Variants in ADAMTS6 observed in about 807,000 individuals in gnomAD.
The protein encoded by ADAMTS6 is ADAM metallopeptidase with thrombospondin type 1 motif 6.
In ADAMTS6, 23 loss-of-function variants were observed where a neutral mutation model predicts 144.3. The ratio of observed to expected loss-of-function variants is 0.16; its 90% CI spans 0.11 to 0.23. ADAMTS6 has a LOEUF of 0.23. Among genes scored for constraint, ADAMTS6 ranks in the 10% least tolerant of loss-of-function variants. The probability of loss-of-function intolerance (pLI) is 1.00; values close to 1 mark genes in which losing one functional copy is unlikely to be tolerated. For synonymous variants in ADAMTS6, 444 were observed against 457.5 expected (o/e 0.97, Z 0.38); for missense variants, 999 against 1,379.6 (o/e 0.72, Z 4.37).
rs559107926 is a variant in ADAMTS6, at chr5:65,293,221, ATTTC to A, written c.1371-1755_1371-1752del. On this transcript the variant is annotated intron_variant, in intron 10 of 24. Transcript: ENST00000381055. ...AATTTTCTTCTAAAATATCTGTTTC[ATTTC>A]TACTGACAATAAAATTATAAATATC... is the stretch of plus-strand genomic sequence containing the variant. Among the ~76,000 whole-genome samples the A allele has an allele frequency of 3.5e-4, 53 of 152,042 alleles. 1 individual carries two copies. The highest frequency in any genetic ancestry group is 1.3e-4 in the Admixed American group (2 of 15,254).
chr5:65,368,951 G>T (rs1054034198), intron 7 of ADAMTS6, among the ~76,000 whole-genome samples: 1 of 152,194 alleles, frequency 6.6e-6, no homozygotes, highest in Non-Finnish European at 1.5e-5. Context: ...AGCTACTTGG[G>T]AAGCTGAGGC....
At chr5:65,388,166 G>A (rs996887298) in intron 7 of ADAMTS6, among the ~76,000 whole-genome samples, 1 of 152,056 alleles carries the variant, frequency 6.6e-6, no homozygotes, top group Non-Finnish European at 1.5e-5. Context: ...CCAAGATCGC[G>A]CCATTGCATT....
chr5:65,335,480 A>C (rs1194938159), intron 7 of ADAMTS6, among the ~76,000 whole-genome samples: 1 of 152,162 alleles, frequency 6.6e-6, no homozygotes, highest in Non-Finnish European at 1.5e-5. Flanking sequence ...CATAGCCACA[A>C]CCTTTTCTAG....
chr5:65,178,703 A>G (rs1002598561), intron 22 of ADAMTS6, among the ~76,000 whole-genome samples: 1 of 152,186 alleles, frequency 6.6e-6, no homozygotes, highest in African/African-American at 2.4e-5. Flanking sequence ...AAGCAGATAA[A>G]CTAACCCTTG....
intron 2 of ADAMTS6, among the ~76,000 whole-genome samples, chr5:65,473,268 C>T (rs187832791): frequency 2.2e-4 from 33 of 152,178 alleles, no homozygotes; most frequent in Admixed American, 5.9e-4. Context: ...CATGTCCTTG[C>T]CCATAAACTC....
intron 7 of ADAMTS6, among the ~76,000 whole-genome samples, chr5:65,394,554 T>C (rs577440898): frequency 6.6e-6 from 1 of 152,280 alleles, no homozygotes; most frequent in Admixed American, 6.5e-5. Context: ...GAATAATGAA[T>C]AATAACATGG....
chr5:65,300,178 C>A (rs566762938), intron 9 of ADAMTS6, 47 bp from the exon 10 acceptor site: 21 of 1,562,378 alleles, frequency 1.3e-5, no homozygotes, highest in Admixed American at 3.6e-5. Flanking sequence ...AAGAAAAAAA[C>A]CCCAACACAT....
intron 7 of ADAMTS6, among the ~76,000 whole-genome samples, chr5:65,419,670 G>T (rs1280912277): frequency 6.6e-6 from 1 of 152,176 alleles, no homozygotes; most frequent in East Asian, 1.9e-4. Context: ...AAGGGATGAA[G>T]TACTGATTTA....
At chr5:65,369,776 C>A (rs180922406) in intron 7 of ADAMTS6, among the ~76,000 whole-genome samples, 28 of 152,266 alleles carry the variant, frequency 1.8e-4, no homozygotes, top group African/African-American at 6.7e-4. Context: ...TATGAGCTAT[C>A]TGGCTTCTTT....
At chr5:65,265,281 A>G (rs1028062168) in intron 12 of ADAMTS6, among the ~76,000 whole-genome samples, 1 of 152,094 alleles carries the variant, frequency 6.6e-6, no homozygotes, top group Admixed American at 6.6e-5. Flanking sequence ...TGGCTAAACC[A>G]ATAATATAGT....
In ADAMTS6 at chr5:65,151,646, G is replaced by T; in HGVS notation, c.*190C>A. 3 of 536,550 alleles carry T rather than the reference G, an allele frequency of 5.6e-6. No individual in the cohort carries two copies. Among genetic ancestry groups the T allele is most frequent in the Non-Finnish European group, 1.0e-5 (3 of 299,578 alleles). The allele number at this position is 536,550 out of a possible 1,614,324, so 33.2% of individuals were successfully genotyped here. ...TCCTAATACCGTGTCCAGCACTTTG[G>T]ATCAATAAATCCCACTTCACAGAAG... On this transcript the variant is annotated 3_prime_UTR_variant, in exon 25 of 25. Coordinates refer to ENST00000381055, the MANE Select transcript of ADAMTS6 (RefSeq NM_197941.4).
At chr5:65,397,794 T>C (rs768441817) in intron 7 of ADAMTS6, among the ~76,000 whole-genome samples, 11 of 151,156 alleles carry the variant, frequency 7.3e-5, no homozygotes, top group Non-Finnish European at 1.6e-4. Flanking sequence ...GGAGGATTGC[T>C]TGAGCCCAGG....
chr5:65,287,877 A>G (rs1402751991), intron 11 of ADAMTS6, among the ~76,000 whole-genome samples: 1 of 152,164 alleles, frequency 6.6e-6, no homozygotes, highest in Non-Finnish European at 1.5e-5. Flanking sequence ...TCAGAAAAAA[A>G]GTCACTACAT....
chr5:65,426,686 G>A (rs1187185819), intron 7 of ADAMTS6, among the ~76,000 whole-genome samples: 1 of 151,972 alleles, frequency 6.6e-6, no homozygotes, highest in African/African-American at 2.4e-5. Context: ...TACCCAGACT[G>A]CTGCATAGAG....
intron 24 of ADAMTS6, among the ~76,000 whole-genome samples, chr5:65,161,738 T>G (rs1752793756): frequency 6.6e-6 from 1 of 152,188 alleles, no homozygotes; most frequent in Non-Finnish European, 1.5e-5. Context: ...AATGAACAAA[T>G]AGTTTCAGAT....
chr5:65,249,699 G>A (rs576418783), intron 14 of ADAMTS6, among the ~76,000 whole-genome samples: 3 of 152,212 alleles, frequency 2.0e-5, no homozygotes, highest in Admixed American at 6.5e-5. Flanking sequence ...CTGGTAACTC[G>A]CATACCTTCT....
At chr5:65,417,105 T>C (rs955896302) in intron 7 of ADAMTS6, among the ~76,000 whole-genome samples, 2 of 152,136 alleles carry the variant, frequency 1.3e-5, no homozygotes, top group African/African-American at 4.8e-5. Flanking sequence ...ATTCACCACA[T>C]AAACAGAATT....
intron 3 of ADAMTS6, among the ~76,000 whole-genome samples, chr5:65,469,472 A>T (rs770595971): frequency 6.6e-6 from 1 of 152,234 alleles, no homozygotes. Context: ...ATAGTGTGCC[A>T]TTTTAACATA....
Position 65,197,109 on chromosome 5 carries a change from T to C in ADAMTS6, c.2618A>G (p.Asn873Ser). The stretch of plus-strand genomic sequence containing the variant: ...ACAGTAATTGTTCTGGACAATGGAG[T>C]TGTCATCCAACCTTTTACAGACCAC... Reference protein sequence around the residue: ...QEVVCKRLDDNSIVQNNYCDP... With the variant: ...QEVVCKRLDDSSIVQNNYCDP... The change falls in exon 21 of 25, where the codon AAC becomes AGC. Residue 873 changes from asparagine to serine, a missense_variant. By Grantham distance (46) the Asn-to-Ser change is conservative. Transcript: ENST00000381055. The C allele has an allele frequency of 6.2e-7, 1 of 1,613,782 alleles. No homozygotes were observed. The highest frequency in any genetic ancestry group is 8.5e-7 in the Non-Finnish European group (1 of 1,179,814).
Sources: allele counts gnomAD v4.1 joint callset (sites outside exome capture counted in the v4.1 genomes callset), GRCh38; gene constraint gnomAD v4.1.1; transcripts MANE v1.5; gene names NCBI Gene and HGNC (gene_info 2026-07-23, HGNC 2026-07-21).